NEBL: variants seen among roughly 807,000 people sequenced by gnomAD.
NEBL encodes nebulette, also known as LIM and SH3 protein 2.
A neutral mutation model predicts 140.2 loss-of-function variants in NEBL; 122 were observed. The observed-to-expected ratio is 0.87, with a 90% CI of 0.75 to 1.01. NEBL has a LOEUF of 1.01. Ranked by LOEUF, NEBL falls within the 50% of genes least tolerant of loss-of-function variation. NEBL has a pLI of 0.00. For synonymous variants in NEBL, 436 were observed against 398.9 expected (o/e 1.09, Z -1.11); for missense variants, 1,365 against 1,231.3 (o/e 1.11, Z -1.62).
At chr10:21,201,138 G>A (rs1841728762) in intron 3 of NEBL, among the ~76,000 whole-genome samples, 1 of 151,896 alleles carries the variant, frequency 6.6e-6, no homozygotes, top group African/African-American at 2.4e-5. Context: ...AATTTTGTTT[G>A]CCATAACAAA....
chr10:21,287,889 A>G (rs1217205873), intron 1 of NEBL, among the ~76,000 whole-genome samples: 1 of 152,156 alleles, frequency 6.6e-6, no homozygotes. Context: ...AGTGCAAAAA[A>G]CTGTAAGAAA....
intron 13 of NEBL, among the ~76,000 whole-genome samples, chr10:20,839,199 C>T (rs1047987024): frequency 2.6e-5 from 4 of 152,104 alleles, no homozygotes; most frequent in Admixed American, 1.3e-4. Context: ...CTGCTCCTGC[C>T]GCCATCCTGC....
chr10:21,187,120 T>C (rs1222838118), intron 3 of NEBL, among the ~76,000 whole-genome samples: 1 of 151,988 alleles, frequency 6.6e-6, no homozygotes, highest in Non-Finnish European at 1.5e-5. Flanking sequence ...CGTACCTATG[T>C]ATATATACAT....
intron 5 of NEBL, among the ~76,000 whole-genome samples, chr10:20,877,141 G>A (rs1013418953): frequency 2.0e-5 from 3 of 152,156 alleles, no homozygotes; most frequent in East Asian, 1.9e-4. Flanking sequence ...GAAGGAGGAC[G>A]AAATAGAACC....
At chr10:20,833,878 A>T (rs1314988732) in intron 14 of NEBL, among the ~76,000 whole-genome samples, 3 of 152,226 alleles carry the variant, frequency 2.0e-5, no homozygotes, top group Non-Finnish European at 4.4e-5. Context: ...GGGTGGCAAG[A>T]AAGATGGATT....
At chr10:21,286,666 A>G (rs1274882831) in intron 1 of NEBL, among the ~76,000 whole-genome samples, 1 of 152,100 alleles carries the variant, frequency 6.6e-6, no homozygotes, top group Admixed American at 6.5e-5. Flanking sequence ...CCCTGTCTCT[A>G]TTAAAAAACA....
chr10:20,894,096 T>TG (rs1175919943), intron 2 of NEBL, among the ~76,000 whole-genome samples: 1 of 152,170 alleles, frequency 6.6e-6, no homozygotes, highest in Non-Finnish European at 1.5e-5. Context: ...TAAGGATATA[T>TG]GAAAGCTGGA....
intron 4 of NEBL, among the ~76,000 whole-genome samples, chr10:20,933,742 A>G (rs551005518): frequency 5.3e-5 from 8 of 152,308 alleles, no homozygotes; most frequent in Admixed American, 5.2e-4. Flanking sequence ...CATTTCAAAA[A>G]CAAAAAAAGA....
chr10:20,885,759 T>C (rs976015231), intron 4 of NEBL, among the ~76,000 whole-genome samples: 1 of 152,224 alleles, frequency 6.6e-6, no homozygotes, highest in Non-Finnish European at 1.5e-5. Context: ...TTGTCACATA[T>C]CAAGTGTTGG....
intron 2 of NEBL, among the ~76,000 whole-genome samples, chr10:21,094,297 T>C (rs1167410168): frequency 1.3e-5 from 2 of 151,714 alleles, no homozygotes; most frequent in Non-Finnish European, 2.9e-5. Context: ...GGTCAGGAGA[T>C]CGAGACCATC....
rs533721440 is a variant in NEBL at position 21,030,601 on chromosome 10, A to T, written c.165-10400T>A. The stretch of plus-strand genomic sequence containing the variant: ...CCCTACAAGTGGTGGGGGAAAAGTA[A>T]CTCCAGCTCAACCGTCTGAGAAAGG... On this transcript the variant is annotated intron_variant, in intron 2 of 6. Transcript: ENST00000417816. 12 of 609,838 alleles carry T rather than the reference A, an allele frequency of 2.0e-5. No individual in the cohort carries two copies. The African/African-American group carries it at 2.2e-4, about 11-fold the overall frequency. 37.8% of individuals were successfully genotyped at this position (609,838 alleles called of 1,614,324 possible).
At chr10:20,894,254 A>G (rs1387271001) in intron 2 of NEBL, among the ~76,000 whole-genome samples, 3 of 152,056 alleles carry the variant, frequency 2.0e-5, no homozygotes, top group African/African-American at 7.2e-5. Context: ...AGAATCACTT[A>G]AAGCCAAGAG....
intron 26 of NEBL, among the ~76,000 whole-genome samples, chr10:20,794,903 G>C (rs1270241081): frequency 6.6e-6 from 1 of 152,098 alleles, no homozygotes; most frequent in Non-Finnish European, 1.5e-5. Context: ...TTTAGTTGGT[G>C]TAACTGTCAC....
At chr10:21,048,429 C>T in intron 2 of NEBL, among the ~76,000 whole-genome samples, 1 of 127,606 alleles carries the variant, frequency 7.8e-6, no homozygotes, top group Non-Finnish European at 1.6e-5. Flanking sequence ...CCATTCTACT[C>T]TTAGACATAA....
At chr10:21,055,480 G>A (rs573865118) in intron 2 of NEBL, among the ~76,000 whole-genome samples, 14 of 152,092 alleles carry the variant, frequency 9.2e-5, no homozygotes, top group East Asian at 1.9e-4. Flanking sequence ...CCAAATGATC[G>A]TGTGACATAA....
intron 2 of NEBL, among the ~76,000 whole-genome samples, chr10:21,071,397 G>T (rs1270573811): frequency 6.6e-6 from 1 of 151,866 alleles, no homozygotes; most frequent in African/African-American, 2.4e-5. Context: ...CGAGTGAGTT[G>T]TTTTTCCCCT....
At chr10:21,015,206 A>C (rs1838505640) in intron 3 of NEBL, among the ~76,000 whole-genome samples, 2 of 151,746 alleles carry the variant, frequency 1.3e-5, no homozygotes, top group African/African-American at 4.8e-5. Flanking sequence ...GGTTTCCTTA[A>C]GGCTCTGGGG....
At chr10:21,255,813 T>C (rs1463115625) in intron 1 of NEBL, among the ~76,000 whole-genome samples, 3 of 151,798 alleles carry the variant, frequency 2.0e-5, no homozygotes, top group Non-Finnish European at 4.4e-5. Flanking sequence ...CTGGCCAACA[T>C]GGTGAAACCC....
chr10:20,996,513 G>A (rs567521036), intron 3 of NEBL, among the ~76,000 whole-genome samples: 1 of 152,256 alleles, frequency 6.6e-6, no homozygotes, highest in Admixed American at 6.5e-5. Flanking sequence ...AACCTTTTGG[G>A]AGAGATAAAC....
Sources: gnomAD v4.1 joint callset for allele counts (sites outside exome capture counted in the v4.1 genomes callset) on GRCh38, gnomAD v4.1.1 for gene constraint, MANE v1.5 for transcripts, NCBI Gene and HGNC (gene_info 2026-07-23, HGNC 2026-07-21) for gene names.